Variants in DLGAP1 observed in about 807,000 individuals in gnomAD.
DLGAP1 encodes the protein DLG associated protein 1.
Under a neutral mutation model 90.8 loss-of-function variants are expected in DLGAP1, and 11 were observed. The observed-to-expected ratio is 0.12, with a 90% confidence interval of 0.08 to 0.20. The LOEUF (loss-of-function observed/expected upper bound fraction) is 0.20. Ranked by LOEUF, DLGAP1 falls within the 10% of genes least tolerant of loss-of-function variation. The pLI is 1.00. For synonymous variants in DLGAP1, 558 were observed against 540.7 expected, an observed-to-expected ratio of 1.03 and a Z score of -0.44; for missense variants, 1,050 against 1,333.8, an observed-to-expected ratio of 0.79 and a Z score of 3.31.
chr18:3,887,531 AC>A (rs2071347827), intron 3 of DLGAP1, among the ~76,000 whole-genome samples: 1 of 152,190 alleles, frequency 6.6e-6, no homozygotes, highest in African/African-American at 2.4e-5. Flanking sequence ...GAAGGAGTAT[AC>A]CAAGAGAGGA....
chr18:3,781,414 C>T (rs112646409), intron 5 of DLGAP1, among the ~76,000 whole-genome samples: 47,477 of 149,980 alleles, frequency 0.32, 8,401 homozygotes, highest in Non-Finnish European at 0.4. Flanking sequence ...GGCAGTGGTG[C>T]GATCTTGGCT....
At position 4,112,321 on chromosome 18, in the gene DLGAP1, G is replaced by A. The variant is rs112505795; in HGVS notation, c.-159+38859C>T. On this transcript the variant is annotated intron_variant, in intron 2 of 12. Transcript: ENST00000315677. The stretch of plus-strand genomic sequence containing the variant: ...TTTTAATTTCTTTGAATTTATTGAG[G>A]CTTGTCTATGGACTCCTATATGGTC... Among the ~76,000 whole-genome samples the A allele has an allele frequency of 4.5e-3, 684 of 152,050 alleles. 4 individuals carry two copies. The highest frequency in any genetic ancestry group is 0.024 in the South Asian group (115 of 4,814).
chr18:3,741,426 CACCATCACCATCATCACTGCCACT>C (rs1252135867), intron 6 of DLGAP1, among the ~76,000 whole-genome samples: 1 of 151,914 alleles, frequency 6.6e-6, no homozygotes, highest in Non-Finnish European at 1.5e-5. Context: ...TCACTGTCAC[CACCATCACCATCATCACTGCCACT>C]ACCATCACCA....
At chr18:4,002,712 T>C (rs1206111799) in intron 3 of DLGAP1, among the ~76,000 whole-genome samples, 5 of 152,158 alleles carry the variant, frequency 3.3e-5, no homozygotes, top group African/African-American at 1.2e-4. Context: ...TTAAACAGAA[T>C]TGTGACCCTT....
chr18:3,737,617 T>C (rs369758395), intron 6 of DLGAP1, among the ~76,000 whole-genome samples: 76 of 150,042 alleles, frequency 5.1e-4, no homozygotes, highest in African/African-American at 1.8e-3. Flanking sequence ...ATTGATGGGA[T>C]GTATTTCAAA....
intron 2 of DLGAP1, among the ~76,000 whole-genome samples, chr18:4,081,582 G>C (rs543567690): frequency 6.6e-6 from 1 of 152,122 alleles, no homozygotes; most frequent in Non-Finnish European, 1.5e-5. Flanking sequence ...GGATGAAGTT[G>C]TCTCATCTGC....
intron 4 of DLGAP1, among the ~76,000 whole-genome samples, chr18:3,820,294 G>A (rs2148477501): frequency 6.6e-6 from 1 of 152,322 alleles, no homozygotes; most frequent in Non-Finnish European, 1.5e-5. Flanking sequence ...GGGCAGGCCT[G>A]TGCGATTCTG....
At chr18:3,923,748 T>C (rs190945196) in intron 3 of DLGAP1, among the ~76,000 whole-genome samples, 5 of 152,352 alleles carry the variant, frequency 3.3e-5, no homozygotes, top group Non-Finnish European at 7.3e-5. Context: ...CCAAAGTCCC[T>C]TACATTCCTC....
chr18:4,023,195 A>T (rs1347472505), intron 2 of DLGAP1, among the ~76,000 whole-genome samples: 1 of 152,126 alleles, frequency 6.6e-6, no homozygotes, highest in Non-Finnish European at 1.5e-5. Flanking sequence ...AATATTTACT[A>T]CCCATTTAGG....
intron 2 of DLGAP1, among the ~76,000 whole-genome samples, chr18:4,101,762 A>G (rs2075781698): frequency 6.6e-6 from 1 of 152,034 alleles, no homozygotes; most frequent in South Asian, 2.1e-4. Flanking sequence ...CCTAATGCCA[A>G]TATATGTATA....
At chr18:4,112,301 A>G (rs973700350) in intron 2 of DLGAP1, among the ~76,000 whole-genome samples, 2 of 151,934 alleles carry the variant, frequency 1.3e-5, no homozygotes, top group African/African-American at 4.8e-5. Flanking sequence ...TATTATTTTA[A>G]TTTCTTTGAA....
intron 1 of DLGAP1, among the ~76,000 whole-genome samples, chr18:4,318,323 C>A (rs955832565): frequency 2.0e-5 from 3 of 152,102 alleles, no homozygotes; most frequent in Non-Finnish European, 2.9e-5. Flanking sequence ...CTTGACACGG[C>A]AAAATTTACA....
At chr18:4,106,789 C>T (rs748960633) in intron 2 of DLGAP1, among the ~76,000 whole-genome samples, 10 of 152,156 alleles carry the variant, frequency 6.6e-5, no homozygotes, top group Non-Finnish European at 1.3e-4. Context: ...AATATATCCA[C>T]TTTAGTATTT....
At chr18:3,636,673 C>T (rs983696077) in intron 7 of DLGAP1, among the ~76,000 whole-genome samples, 2 of 151,164 alleles carry the variant, frequency 1.3e-5, no homozygotes, top group African/African-American at 4.9e-5. Flanking sequence ...GCCTCGGCCT[C>T]CCAAAGTGTT....
chr18:3,832,871 T>C (rs2068108723), intron 4 of DLGAP1, among the ~76,000 whole-genome samples: 1 of 152,098 alleles, frequency 6.6e-6, no homozygotes, highest in South Asian at 2.1e-4. Context: ...GCCCCCCCCA[T>C]CACTGAGGCA....
chr18:3,837,939 GT>G (rs2068497921), intron 4 of DLGAP1, among the ~76,000 whole-genome samples: 1 of 142,498 alleles, frequency 7.0e-6, no homozygotes, highest in Admixed American at 7.1e-5. Context: ...TTTTATGATA[GT>G]TTGGAAAAGA....
intron 2 of DLGAP1, among the ~76,000 whole-genome samples, chr18:4,078,873 TA>T (rs1167142978): frequency 2.0e-5 from 3 of 152,194 alleles, no homozygotes; most frequent in Non-Finnish European, 4.4e-5. Context: ...GTGATAATGA[TA>T]AAAAGACCAC....
intron 3 of DLGAP1, among the ~76,000 whole-genome samples, chr18:3,890,228 A>G (rs1477080553): frequency 6.6e-6 from 1 of 152,238 alleles, no homozygotes; most frequent in Non-Finnish European, 1.5e-5. Context: ...CCATTTAAGT[A>G]TTTATTGGCT....
intron 1 of DLGAP1, among the ~76,000 whole-genome samples, chr18:4,427,567 T>A (rs1399130796): frequency 6.6e-6 from 1 of 152,134 alleles, no homozygotes; most frequent in African/African-American, 2.4e-5. Context: ...AAATTTAGAT[T>A]GAGTCCCTTG....
Sources: gnomAD v4.1 joint callset for allele counts (sites outside exome capture counted in the v4.1 genomes callset) on GRCh38, gnomAD v4.1.1 for gene constraint, MANE v1.5 for transcripts, NCBI Gene and HGNC (gene_info 2026-07-23, HGNC 2026-07-21) for gene names.